BBS5: variants seen among roughly 807,000 people sequenced by gnomAD.
The protein encoded by BBS5 is Bardet-Biedl syndrome 5, also known as BBSome complex member BBS5.
A neutral mutation model predicts 50.2 loss-of-function variants in BBS5; 39 were observed. The observed-to-expected ratio is 0.78, with a 90% CI of 0.60 to 1.01. The LOEUF (loss-of-function observed/expected upper bound fraction) is 1.01. BBS5 is among the 50% of genes least tolerant of loss of function. BBS5 has a pLI of 0.00. For missense variants in BBS5, 356 were observed against 401.5 expected, an observed-to-expected ratio of 0.89 and a Z score of 0.97; for synonymous variants, 134 against 133.1, an observed-to-expected ratio of 1.01 and a Z score of -0.05.
chr2:169,496,467 G>A (rs556153637), intron 7 of BBS5, among the ~76,000 whole-genome samples: 6 of 152,310 alleles, frequency 3.9e-5, no homozygotes, highest in Admixed American at 3.9e-4. Flanking sequence ...TGGGCATGGT[G>A]TCTCACGCCT....
At chr2:169,502,407 T>C (rs902843132) in intron 9 of BBS5, among the ~76,000 whole-genome samples, 10 of 152,348 alleles carry the variant, frequency 6.6e-5, no homozygotes, top group African/African-American at 2.2e-4. Flanking sequence ...AGCTTTGTTA[T>C]AACTGCTTTT....
At chr2:169,497,150 A>G (rs1043322149) in intron 7 of BBS5, among the ~76,000 whole-genome samples, 5 of 152,102 alleles carry the variant, frequency 3.3e-5, no homozygotes, top group Admixed American at 3.3e-4. Context: ...TGAGACCCCT[A>G]TCTCTACAAA....
chr2:169,505,082 G>C lies in BBS5; in HGVS notation c.*500G>C. On this transcript the variant is annotated 3_prime_UTR_variant, in exon 12 of 12. Coordinates refer to ENST00000295240, the MANE Select transcript of BBS5 (RefSeq NM_152384.3). Reference sequence around the variant, plus strand: ...TGATTCTCCTGCCTCAGCCTGCCGAGTGCCTGCGATTACAGGCGCGCGCCG... The same window carrying C: ...TGATTCTCCTGCCTCAGCCTGCCGACTGCCTGCGATTACAGGCGCGCGCCG... The C allele has an allele frequency of 7.9e-7, 1 of 1,258,950 alleles. No homozygotes were observed. 78.0% of individuals were successfully genotyped at this position (1,258,950 alleles called of 1,614,324 possible).
At chr2:169,486,592 T>A (rs148483585) in intron 2 of BBS5, among the ~76,000 whole-genome samples, 2 of 152,200 alleles carry the variant, frequency 1.3e-5, no homozygotes, top group East Asian at 3.9e-4. Flanking sequence ...AGCAAAATTG[T>A]GTGTATAAAT....
In BBS5 at chr2:169,505,208, C is replaced by T. The variant is rs530487302; in HGVS notation, c.*626C>T. ...CTAACCGCGAGTGATCCGCCAGCCTCGGCCTCCCGAGGTGCCGGGATTGCA... is the reference window on the plus strand; with the variant it reads ...CTAACCGCGAGTGATCCGCCAGCCTTGGCCTCCCGAGGTGCCGGGATTGCA... On this transcript the variant is annotated 3_prime_UTR_variant, in exon 12 of 12. Transcript: ENST00000295240. 37 of 521,028 alleles carry T rather than the reference C, an allele frequency of 7.1e-5. No homozygotes were observed. Among genetic ancestry groups the T allele is most frequent in the Admixed American group, 2.3e-4 (8 of 34,514 alleles). 32.3% of individuals were successfully genotyped at this position (521,028 alleles called of 1,614,324 possible). A position where few individuals can be genotyped will look rare whatever the true frequency, so the allele number is the denominator to read the frequency against.
At chr2:169,479,940 A>G (rs954384320) in intron 1 of BBS5, among the ~76,000 whole-genome samples, 13 of 152,322 alleles carry the variant, frequency 8.5e-5, no homozygotes, top group African/African-American at 3.1e-4. Context: ...TCCCGTATAC[A>G]CCCACGTGAG....
chr2:169,480,569 C>G (rs1205962914), intron 1 of BBS5, among the ~76,000 whole-genome samples: 1 of 150,922 alleles, frequency 6.6e-6, no homozygotes, highest in African/African-American at 2.4e-5. Context: ...ATATCTAATG[C>G]TAACATGTTA....
At chr2:169,494,582 A>G (rs553284335) in intron 7 of BBS5, among the ~76,000 whole-genome samples, 1 of 152,162 alleles carries the variant, frequency 6.6e-6, no homozygotes, top group South Asian at 2.1e-4. Flanking sequence ...ATGAAAATTC[A>G]AAATAAGAAC....
chr2:169,479,650 T>C (rs1379132935), intron 1 of BBS5, 38 bp downstream of exon 1: 10 of 1,611,552 alleles, frequency 6.2e-6, no homozygotes, highest in Non-Finnish European at 8.5e-6. Context: ...TTCAACCCTG[T>C]AGAGGGCGCC....
intron 10 of BBS5, among the ~76,000 whole-genome samples, chr2:169,503,996 C>T (rs1274825733): frequency 6.6e-6 from 1 of 151,776 alleles, no homozygotes; most frequent in Non-Finnish European, 1.5e-5. Flanking sequence ...TTCTTTTTTT[C>T]TCTTTTTTAC....
chr2:169,501,509 G>A (rs941409667), intron 9 of BBS5, among the ~76,000 whole-genome samples: 22 of 152,092 alleles, frequency 1.4e-4, no homozygotes, highest in Non-Finnish European at 2.1e-4. Context: ...GGAGAATCAC[G>A]TGAGGCCAGG....
At chr2:169,493,132 C>T (rs1300195276) in intron 6 of BBS5, 123 bp downstream of exon 6, 1 of 1,168,194 alleles carries the variant, frequency 8.6e-7, no homozygotes, top group Non-Finnish European at 1.3e-6. Flanking sequence ...AAGCGTATTA[C>T]TTTTCAATAA....
rs372350897 is a variant in BBS5 at position 169,504,865 on chromosome 2, A to G, written c.*283A>G. 88 of 1,612,716 alleles carry G rather than the reference A, an allele frequency of 5.5e-5. No individual in the cohort carries two copies. The East Asian group carries it at 1.2e-3, about 22-fold the overall frequency. Reference sequence around the variant, plus strand: ...GGATTCCTCAGGCCCGGGCGCTCCTACAGCAGTGCCTGCACGCCCGGCTGC... The same window carrying G: ...GGATTCCTCAGGCCCGGGCGCTCCTGCAGCAGTGCCTGCACGCCCGGCTGC... On this transcript the variant is annotated 3_prime_UTR_variant, in exon 12 of 12. Transcript: ENST00000295240.
Position 169,482,263 on chromosome 2 carries a change from A to T in BBS5, c.72A>T (p.Thr24=), listed in dbSNP as rs1432126230. 6.2e-7 allele frequency: 1 copy of T among 1,609,148 alleles called. No homozygotes were observed. Among genetic ancestry groups the T allele is most frequent in the East Asian group, 2.2e-5 (1 of 44,788 alleles). Residue 24 remains threonine (T), a synonymous_variant, in exon 2 of 12, where the codon ACA becomes ACT. Coordinates refer to ENST00000295240, the MANE Select transcript of BBS5 (RefSeq NM_152384.3). The stretch of plus-strand genomic sequence containing the variant: ...ATATTCACTTTAGGCAAATGAAAAC[A>T]AGACCTGGAGAAGTCCTTATTGATT... The part of the protein sequence containing the change: ...RFDLSAQQMK[T]RPGEVLIDCL...
At position 169,500,622 on chromosome 2, in the gene BBS5, T is replaced by C. The variant is rs773396512; in HGVS notation, c.816+1002T>C. 5.8e-4 allele frequency among the ~76,000 whole-genome samples: 89 copies of C among 152,332 alleles called. No individual in the cohort carries two copies. The Middle Eastern group carries it at 0.017, about 29-fold the overall frequency. On this transcript the variant is annotated intron_variant, in intron 9 of 11. Transcript: ENST00000295240. ...TGATCCATATCACAGCCATTACTTA[T>C]ATCTCTTCTTCTGCTCTTGGACTAC...
At chr2:169,483,136 T>C (rs1683429752) in intron 2 of BBS5, among the ~76,000 whole-genome samples, 1 of 152,146 alleles carries the variant, frequency 6.6e-6, no homozygotes, top group South Asian at 2.1e-4. Context: ...GGGGAATCAA[T>C]AACTCATAGA....
chr2:169,504,314 T>G lies in BBS5; in HGVS notation c.912T>G (p.Ala304=), dbSNP rs1416131450. Residue 304 remains alanine, a synonymous_variant, in exon 11 of 12, where the codon GCT becomes GCG. Coordinates refer to ENST00000295240, the MANE Select transcript of BBS5 (RefSeq NM_152384.3). The part of the protein sequence containing the change: ...GHTDAFVAYF[A]DGNKQQDREP... ...TCTTTGTCTTACAGGCTTATTTTGC[T>G]GATGGCAATAAGGTAAGGACATTTA... 6.2e-7 allele frequency: 1 copy of G among 1,613,198 alleles called. No homozygotes were observed. Among genetic ancestry groups the G allele is most frequent in the Non-Finnish European group, 8.5e-7 (1 of 1,179,170 alleles).
At chr2:169,493,100 TG>T in intron 6 of BBS5, 91 bp downstream of exon 6, 1 of 1,457,838 alleles carries the variant, frequency 6.9e-7, no homozygotes, top group Non-Finnish European at 9.6e-7. Flanking sequence ...CAATTCTAAT[TG>T]TTAAAATTAG....
chr2:169,483,907 G>A (rs1018422259), intron 2 of BBS5, among the ~76,000 whole-genome samples: 5 of 152,232 alleles, frequency 3.3e-5, no homozygotes, highest in South Asian at 2.1e-4. Context: ...GTATCTTGAC[G>A]AACTCAGAAT....
Sources: allele counts gnomAD v4.1 joint callset (sites outside exome capture counted in the v4.1 genomes callset), GRCh38; gene constraint gnomAD v4.1.1; transcripts MANE v1.5; gene names NCBI Gene and HGNC (gene_info 2026-07-23, HGNC 2026-07-21).